Variants in MYOZ2 observed in about 807,000 individuals in gnomAD.
MYOZ2 encodes the protein myozenin-2.
MYOZ2 carries 19 observed loss-of-function variants against 25.4 expected under a neutral mutation model. The ratio of observed to expected loss-of-function variants is 0.75; its 90% CI spans 0.52 to 1.10. The LOEUF (loss-of-function observed/expected upper bound fraction) is 1.10. Among genes scored for constraint, MYOZ2 ranks in the 50% least tolerant of loss-of-function variants. The pLI is 0.00. For synonymous variants in MYOZ2, 92 were observed against 106.9 expected (o/e 0.86, Z 0.86); for missense variants, 270 against 317.9 (o/e 0.85, Z 1.15).
intron 5 of MYOZ2, among the ~76,000 whole-genome samples, chr4:119,168,467 TGAA>T (rs997898691): frequency 6.6e-6 from 1 of 152,106 alleles, no homozygotes; most frequent in African/African-American, 2.4e-5. Flanking sequence ...CTAGATGCCA[TGAA>T]GATTATTTGT....
At chr4:119,180,055 A>G (rs1742156974) in intron 5 of MYOZ2, among the ~76,000 whole-genome samples, 1 of 152,250 alleles carries the variant, frequency 6.6e-6, no homozygotes, top group African/African-American at 2.4e-5. Context: ...TTAAATATGT[A>G]TATTAAAAGG....
chr4:119,178,929 A>T (rs1742133619), intron 5 of MYOZ2, among the ~76,000 whole-genome samples: 1 of 152,188 alleles, frequency 6.6e-6, no homozygotes, highest in Admixed American at 6.5e-5. Flanking sequence ...TTCAAAATAC[A>T]TTCACCCTAG....
chr4:119,176,124 A>G (rs1021510328), intron 5 of MYOZ2, among the ~76,000 whole-genome samples: 3 of 152,320 alleles, frequency 2.0e-5, no homozygotes, highest in Middle Eastern at 6.8e-3. Context: ...TAAGATCTAC[A>G]ATTTTTTCGT....
chr4:119,158,038 A>G lies in MYOZ2; in HGVS notation c.263A>G (p.Gln88Arg), dbSNP rs752911899. The G allele has an allele frequency of 1.2e-6, 2 of 1,614,098 alleles. No homozygotes were observed. The highest frequency in any genetic ancestry group is 2.2e-5 in the South Asian group (2 of 91,084). ...TAAATACAGCACAGTATTGCTATGC[A>G]GAATGGGAAAGTGGATGGAAGTAAC... ...RAQINHSIAM[Q>R]NGKVDGSNLE... The change falls in exon 4 of 6, where the codon CAG (glutamine) becomes CGG (arginine). Residue 88 changes from glutamine (Q) to arginine (R), a missense_variant. By Grantham distance (43) the Gln-to-Arg change is conservative. Coordinates refer to ENST00000307128, the MANE Select transcript of MYOZ2 (RefSeq NM_016599.5).
intron 3 of MYOZ2, among the ~76,000 whole-genome samples, chr4:119,152,707 C>T (rs1271258574): frequency 6.6e-6 from 1 of 152,024 alleles, no homozygotes; most frequent in Non-Finnish European, 1.5e-5. Context: ...TGACCCCAAA[C>T]AGGTTTATTG....
At chr4:119,165,178 T>G (rs182798196) in intron 5 of MYOZ2, among the ~76,000 whole-genome samples, 93 of 151,356 alleles carry the variant, frequency 6.1e-4, no homozygotes, top group Non-Finnish European at 1.1e-3. Flanking sequence ...TTTTTTTATT[T>G]AAAAAAAGAA....
In MYOZ2 at chr4:119,164,372, C is replaced by T. The variant is rs969936455; in HGVS notation, c.538C>T (p.Pro180Ser). ...CAAGCCTGAAGGAAAGGCAGAACTG[C>T]CTGATTACAGGAGCTTTAACAGGTA... is the stretch of plus-strand genomic sequence containing the variant. ...LFKPEGKAELPDYRSFNRVAT... is the reference protein window; with the variant it reads ...LFKPEGKAELSDYRSFNRVAT... Residue 180 changes from proline (P) to serine (S), a missense_variant, in exon 5 of 6, where the codon CCT becomes TCT. By Grantham distance (74) the Pro-to-Ser change is moderately conservative. Coordinates refer to ENST00000307128, the MANE Select transcript of MYOZ2 (RefSeq NM_016599.5). The T allele has an allele frequency of 6.2e-7, 1 of 1,613,926 alleles. No homozygotes were observed. Among genetic ancestry groups the T allele is most frequent in the Admixed American group, 1.7e-5 (1 of 59,998 alleles).
intron 5 of MYOZ2, among the ~76,000 whole-genome samples, chr4:119,177,272 C>G (rs532749897): frequency 6.6e-6 from 1 of 152,270 alleles, no homozygotes; most frequent in South Asian, 2.1e-4. Flanking sequence ...AGCTCCAATT[C>G]TGATTAAGTC....
At chr4:119,149,455 T>C (rs981286370) in intron 2 of MYOZ2, among the ~76,000 whole-genome samples, 37 of 152,312 alleles carry the variant, frequency 2.4e-4, no homozygotes, top group African/African-American at 7.0e-4. Context: ...ACATTTTCTG[T>C]CTTGCAGAGG....
intron 5 of MYOZ2, among the ~76,000 whole-genome samples, chr4:119,174,092 G>A (rs1404881231): frequency 4.7e-5 from 7 of 150,008 alleles, no homozygotes; most frequent in Admixed American, 3.3e-4. Flanking sequence ...CTCGTGGGCC[G>A]CCTGAGCCTC....
At chr4:119,173,980 G>A (rs971402493) in intron 5 of MYOZ2, among the ~76,000 whole-genome samples, 5 of 152,218 alleles carry the variant, frequency 3.3e-5, no homozygotes, top group Non-Finnish European at 5.9e-5. Context: ...CCAGCCCACC[G>A]GCGCTGCACT....
chr4:119,142,565 T>TA (rs1741180518), intron 2 of MYOZ2, among the ~76,000 whole-genome samples: 1 of 152,172 alleles, frequency 6.6e-6, no homozygotes, highest in African/African-American at 2.4e-5. Context: ...TGTTGCAAAA[T>TA]ACCCTCATGT....
chr4:119,157,487 T>A (rs1335716944), intron 3 of MYOZ2, among the ~76,000 whole-genome samples: 1 of 152,176 alleles, frequency 6.6e-6, no homozygotes, highest in East Asian at 1.9e-4. Context: ...CTATGCAACT[T>A]AAAATATAAA....
rs1553957992 is a variant in MYOZ2 at position 119,148,780 on chromosome 4, A to AAAC, written c.77-2090_77-2089insCAA. ...GATGGAGTCATTGGCAAAAAAAAAA[A>AAAC]AAACCTTTCCATTTAAAGAATTTGT... On this transcript the variant is annotated intron_variant, in intron 2 of 5. Coordinates refer to ENST00000307128, the MANE Select transcript of MYOZ2 (RefSeq NM_016599.5). Among the ~76,000 whole-genome samples, 132 of 142,768 alleles carry AAAC rather than the reference A, an allele frequency of 9.2e-4. 2 individuals carry two copies. The highest frequency in any genetic ancestry group is 1.6e-3 in the Non-Finnish European group (107 of 65,728). The allele number at this position is 142,768 out of a possible 152,430, so 93.7% of individuals were successfully genotyped here. A position where few individuals can be genotyped will look rare whatever the true frequency, so the allele number is the denominator to read the frequency against.
intron 5 of MYOZ2, among the ~76,000 whole-genome samples, chr4:119,184,019 T>A (rs901097728): frequency 1.2e-4 from 18 of 152,136 alleles, no homozygotes; most frequent in African/African-American, 4.3e-4. Context: ...TTCTCCATGT[T>A]GGTCAGGCTG....
chr4:119,172,732 T>G (rs1387431065), intron 5 of MYOZ2, among the ~76,000 whole-genome samples: 1 of 152,218 alleles, frequency 6.6e-6, no homozygotes, highest in Non-Finnish European at 1.5e-5. Flanking sequence ...GGGATTTGTT[T>G]TGGGAAAGGG....
At position 119,151,032 on chromosome 4, in the gene MYOZ2, A is replaced by G. The variant is rs17851524; in HGVS notation, c.237A>G (p.Ala79=). ...AAAATTTCCAGTATCAATCTAGAGCACAAATAAATGTAGGTATAACTTGAA... is the reference window on the plus strand; with the variant it reads ...AAAATTTCCAGTATCAATCTAGAGCGCAAATAAATGTAGGTATAACTTGAA... ...TFENFQYQSR[A]QINHSIAMQN... The change falls in exon 3 of 6, where the codon GCA becomes GCG. Residue 79 remains alanine, a synonymous_variant. Coordinates refer to ENST00000307128, the MANE Select transcript of MYOZ2 (RefSeq NM_016599.5). The G allele has an allele frequency of 0.012, 19,542 of 1,610,914 alleles. 148 individuals are homozygous for G. Among genetic ancestry groups the G allele is most frequent in the Non-Finnish European group, 0.014 (16,869 of 1,177,182 alleles).
chr4:119,150,110 A>G (rs1367650689), intron 2 of MYOZ2, among the ~76,000 whole-genome samples: 2 of 152,108 alleles, frequency 1.3e-5, no homozygotes, highest in Non-Finnish European at 2.9e-5. Context: ...TTTTGGAAAA[A>G]CTGTTTAGTA....
chr4:119,183,259 G>A lies in MYOZ2; in HGVS notation c.561-2707G>A, dbSNP rs76179833. Among the ~76,000 whole-genome samples the A allele has an allele frequency of 7.7e-3, 1,169 of 152,130 alleles. 18 individuals carry two copies. Among genetic ancestry groups the A allele is most frequent in the African/African-American group, 0.027 (1,111 of 41,476 alleles). On this transcript the variant is annotated intron_variant, in intron 5 of 5. Transcript: ENST00000307128. ...ATAATGAAAGATATAAAATAGGATCGCAGGGGAGGTGAAAATAGAAGTCAT... is the reference window on the plus strand; with the variant it reads ...ATAATGAAAGATATAAAATAGGATCACAGGGGAGGTGAAAATAGAAGTCAT...
Sources: gnomAD v4.1 joint callset for allele counts (sites outside exome capture counted in the v4.1 genomes callset) on GRCh38, gnomAD v4.1.1 for gene constraint, MANE v1.5 for transcripts, NCBI Gene and HGNC (gene_info 2026-07-23, HGNC 2026-07-21) for gene names.